NAV2: variants seen among roughly 807,000 people sequenced by gnomAD.
NAV2 encodes helicase, APC down-regulated 1.
Under a neutral mutation model 223.2 loss-of-function variants are expected in NAV2, and 54 were observed. That is an observed-to-expected ratio of 0.24 (90% CI 0.19 to 0.30). The LOEUF is 0.30. Ranked by LOEUF, NAV2 falls within the 10% of genes least tolerant of loss-of-function variation. The probability of loss-of-function intolerance (pLI) is 1.00; values close to 1 mark genes in which losing one functional copy is unlikely to be tolerated. For missense variants in NAV2, 2,806 were observed against 3,147.5 expected (o/e 0.89, Z 2.60); for synonymous variants, 1,279 against 1,239.3 (o/e 1.03, Z -0.67).
chr11:19,654,058 T>G (rs2135676688), intron 1 of NAV2, among the ~76,000 whole-genome samples: 1 of 152,270 alleles, frequency 6.6e-6, no homozygotes. Flanking sequence ...GGATACAAAA[T>G]CAATGTGCAA....
At chr11:19,406,102 A>G (rs1849883657) in intron 1 of NAV2, among the ~76,000 whole-genome samples, 1 of 152,184 alleles carries the variant, frequency 6.6e-6, no homozygotes, top group African/African-American at 2.4e-5. Flanking sequence ...GGTGAAACGT[A>G]TTGTCTACTT....
At chr11:19,414,978 C>T (rs1850303333) in intron 1 of NAV2, among the ~76,000 whole-genome samples, 1 of 151,970 alleles carries the variant, frequency 6.6e-6, no homozygotes, top group African/African-American at 2.4e-5. Context: ...TACTAAATGC[C>T]CACAGGAGAA....
intron 1 of NAV2, among the ~76,000 whole-genome samples, chr11:19,691,267 A>AAG (rs57892404): frequency 3.1e-4 from 47 of 151,468 alleles, no homozygotes; most frequent in Non-Finnish European, 5.6e-4. Flanking sequence ...GAAAAAAAAA[A>AAG]CAGATGACAT....
chr11:19,723,812 T>C (rs2050982928), intron 1 of NAV2, among the ~76,000 whole-genome samples: 1 of 152,238 alleles, frequency 6.6e-6, no homozygotes, highest in Non-Finnish European at 1.5e-5. Context: ...TGCCACATGC[T>C]GGCTGCAGCT....
chr11:20,062,896 T>C (rs2058796689), intron 20 of NAV2, among the ~76,000 whole-genome samples: 1 of 152,182 alleles, frequency 6.6e-6, no homozygotes, highest in African/African-American at 2.4e-5. Context: ...AGTTTCACCA[T>C]ATTGGCCAGG....
intron 2 of NAV2, among the ~76,000 whole-genome samples, chr11:19,834,782 C>G (rs1209042017): frequency 6.6e-6 from 1 of 152,222 alleles, no homozygotes; most frequent in African/African-American, 2.4e-5. Flanking sequence ...CATTCCAGCT[C>G]CATCCCTCCT....
chr11:19,768,347 G>A (rs982445132), intron 1 of NAV2, among the ~76,000 whole-genome samples: 4 of 152,286 alleles, frequency 2.6e-5, no homozygotes, highest in African/African-American at 9.6e-5. Context: ...CCATGGTGCA[G>A]TTTGCTGTGC....
chr11:19,876,172 C>A (rs1260328718), intron 4 of NAV2, among the ~76,000 whole-genome samples: 2 of 152,070 alleles, frequency 1.3e-5, no homozygotes, highest in East Asian at 3.9e-4. Flanking sequence ...ACTACAGGCA[C>A]GTGCCACCAC....
intron 26 of NAV2, among the ~76,000 whole-genome samples, chr11:20,086,684 G>A (rs2060468132): frequency 6.6e-6 from 1 of 152,216 alleles, no homozygotes; most frequent in South Asian, 2.1e-4. Flanking sequence ...GATAACAGTA[G>A]TGAGTTCTGG....
chr11:20,090,840 A>C, intron 26 of NAV2, 25 bp from the exon 27 acceptor site: 1 of 1,611,612 alleles, frequency 6.2e-7, no homozygotes, highest in Non-Finnish European at 8.5e-7. Context: ...AGCTGCTTTC[A>C]TCAGTAACAT....
intron 6 of NAV2, among the ~76,000 whole-genome samples, chr11:19,913,216 G>C (rs751932812): frequency 6.6e-6 from 1 of 152,204 alleles, no homozygotes; most frequent in African/African-American, 2.4e-5. Context: ...CAGCAAAAGA[G>C]ATGCATTGCC....
intron 14 of NAV2, among the ~76,000 whole-genome samples, chr11:20,046,975 A>G (rs1384013657): frequency 6.6e-6 from 1 of 152,232 alleles, no homozygotes; most frequent in East Asian, 1.9e-4. Context: ...GGAATGTTTG[A>G]AAAGACTTCA....
intron 11 of NAV2, among the ~76,000 whole-genome samples, chr11:19,991,192 G>C (rs1219885252): frequency 6.6e-6 from 1 of 152,174 alleles, no homozygotes; most frequent in Non-Finnish European, 1.5e-5. Context: ...GCAATGGCAT[G>C]ATCTTGGCTG....
intron 6 of NAV2, among the ~76,000 whole-genome samples, chr11:19,900,029 G>A (rs1448280914): frequency 6.6e-6 from 1 of 152,120 alleles, no homozygotes; most frequent in Non-Finnish European, 1.5e-5. Flanking sequence ...GTGGGTGATA[G>A]CCATCTTTTT....
intron 10 of NAV2, among the ~76,000 whole-genome samples, chr11:19,976,221 G>C (rs1416215954): frequency 1.3e-5 from 2 of 152,124 alleles, no homozygotes; most frequent in African/African-American, 4.8e-5. Context: ...TGGAAATGTT[G>C]AGTCTGATTT....
chr11:19,933,364 C>T lies in NAV2; in HGVS notation c.1120C>T (p.Leu374Phe), dbSNP rs186056368. The T allele has an allele frequency of 1.9e-6, 3 of 1,597,212 alleles. No individual in the cohort carries two copies. Among genetic ancestry groups the T allele is most frequent in the East Asian group, 2.2e-5 (1 of 44,612 alleles). ...GAAGCACAGTGCCACGGTATCCATG[C>T]TCTCGGTCAAGCCTCCTGGGCCTGA... is the stretch of plus-strand genomic sequence containing the variant. The part of the protein sequence containing the change: ...SVKHSATVSM[L>F]SVKPPGPEAP... The change falls in exon 7 of 38, where the codon CTC becomes TTC. Residue 374 changes from leucine to phenylalanine, a missense_variant. By Grantham distance (22) the Leu-to-Phe change is conservative. Transcript: ENST00000349880. The surrounding 1 kb of genome is among the most constrained non-coding windows in gnomAD (Gnocchi z 4.3).
intron 1 of NAV2, among the ~76,000 whole-genome samples, chr11:19,598,398 G>T (rs1471903): frequency 0.3 from 45,021 of 152,062 alleles, 8,154 homozygotes; most frequent in Non-Finnish European, 0.39. Context: ...TAGCTTCAGG[G>T]AATTCTTTTT....
chr11:19,409,361 A>G (rs1850042650), intron 1 of NAV2, among the ~76,000 whole-genome samples: 1 of 152,154 alleles, frequency 6.6e-6, no homozygotes, highest in Non-Finnish European at 1.5e-5. Context: ...TCATTAACAG[A>G]ACTTGATTTC....
At chr11:19,797,315 A>T (rs2057973883) in intron 1 of NAV2, among the ~76,000 whole-genome samples, 1 of 152,110 alleles carries the variant, frequency 6.6e-6, no homozygotes, top group East Asian at 1.9e-4. Context: ...CAGTATGGCC[A>T]CCAGTGGTTT....
Sources: allele counts gnomAD v4.1 joint callset (sites outside exome capture counted in the v4.1 genomes callset), GRCh38; gene constraint gnomAD v4.1.1; non-coding constraint Gnocchi (gnomAD v3.1); transcripts MANE v1.5; gene names NCBI Gene and HGNC (gene_info 2026-07-23, HGNC 2026-07-21).